ZNF385D: variants seen among roughly 807,000 people sequenced by gnomAD.
ZNF385D encodes zinc finger protein 385D, also known as zinc finger protein 659.
A neutral mutation model predicts 35.8 loss-of-function variants in ZNF385D; 15 were observed. That is an observed-to-expected ratio of 0.42 (90% CI 0.28 to 0.64). The LOEUF (loss-of-function observed/expected upper bound fraction) is 0.64. ZNF385D is among the 30% of genes least tolerant of loss of function. The probability of loss-of-function intolerance (pLI) is 0.23; values close to 1 mark genes in which losing one functional copy is unlikely to be tolerated. For synonymous variants in ZNF385D, 212 were observed against 186.8 expected (o/e 1.13, Z -1.10); for missense variants, 474 against 494.6 (o/e 0.96, Z 0.39).
intron 1 of ZNF385D, among the ~76,000 whole-genome samples, chr3:21,700,060 G>A (rs1037863313): frequency 2.0e-5 from 3 of 151,984 alleles, no homozygotes; most frequent in Admixed American, 6.6e-5. Flanking sequence ...TCAAACTCCT[G>A]ACTTCAGGTG....
At chr3:21,994,436 T>C (rs1695338752) in intron 3 of ZNF385D, among the ~76,000 whole-genome samples, 1 of 152,224 alleles carries the variant, frequency 6.6e-6, no homozygotes, top group Non-Finnish European at 1.5e-5. Context: ...AGATAATGAA[T>C]TGTTTTCCTG....
intron 3 of ZNF385D, among the ~76,000 whole-genome samples, chr3:22,123,275 A>G (rs1423530974): frequency 6.6e-6 from 1 of 151,450 alleles, no homozygotes; most frequent in Non-Finnish European, 1.5e-5. Flanking sequence ...GAGAAGTTCA[A>G]GAGTACAGTT....
Position 22,234,146 on chromosome 3 carries a change from G to A in ZNF385D, c.107-65111C>T, listed in dbSNP as rs566505762. Among the ~76,000 whole-genome samples the A allele has an allele frequency of 4.6e-5, 7 of 152,162 alleles. No homozygotes were observed. In the South Asian group the frequency reaches 1.2e-3, roughly 27 times the overall value. ...CACTAGGTAAGTAAATGCATTATTTGGGATTTATATTTTACTTTCCATACT... is the reference window on the plus strand; with the variant it reads ...CACTAGGTAAGTAAATGCATTATTTAGGATTTATATTTTACTTTCCATACT... On this transcript the variant is annotated intron_variant, in intron 2 of 5. Transcript: ENST00000494108.
chr3:21,506,845 CGT>C (rs1185303925), intron 4 of ZNF385D, among the ~76,000 whole-genome samples: 1 of 152,046 alleles, frequency 6.6e-6, no homozygotes, highest in Admixed American at 6.6e-5. Flanking sequence ...TGTTCTTTAA[CGT>C]TAGGAAGTGT....
chr3:22,084,509 A>T (rs1700926167), intron 3 of ZNF385D, among the ~76,000 whole-genome samples: 1 of 152,228 alleles, frequency 6.6e-6, no homozygotes, highest in African/African-American at 2.4e-5. Flanking sequence ...AAAGGGATCA[A>T]TTCAACAAGA....
intron 3 of ZNF385D, among the ~76,000 whole-genome samples, chr3:21,563,858 C>A (rs763636728): frequency 1.3e-5 from 2 of 152,076 alleles, no homozygotes; most frequent in African/African-American, 2.4e-5. Flanking sequence ...AGAAGACATA[C>A]ATTTTTTTTT....
chr3:21,572,799 GATAA>G (rs2063373327), intron 2 of ZNF385D, among the ~76,000 whole-genome samples: 1 of 152,090 alleles, frequency 6.6e-6, no homozygotes, highest in Non-Finnish European at 1.5e-5. Context: ...TCCAGGGAAA[GATAA>G]ATAAATTCAA....
Position 22,187,113 on chromosome 3 carries a change from C to A in ZNF385D, c.107-18078G>T, listed in dbSNP as rs573253703. On this transcript the variant is annotated intron_variant, in intron 2 of 5. Coordinates refer to the ZNF385D transcript ENST00000494108. ...GGAGATCACACAATCTAACATCTTC[C>A]CACATATAAAAAGACATGAACAAAT... Among the ~76,000 whole-genome samples the A allele has an allele frequency of 3.9e-5, 6 of 152,238 alleles. No homozygotes were observed. The East Asian group carries it at 1.2e-3, about 29-fold the overall frequency.
intron 2 of ZNF385D, among the ~76,000 whole-genome samples, chr3:21,630,629 T>C (rs904463810): frequency 1.1e-4 from 16 of 152,142 alleles, no homozygotes; most frequent in African/African-American, 3.9e-4. Context: ...ACTCTGCACA[T>C]CTGTAAAATA....
At chr3:21,445,324 A>C (rs1238278325) in intron 4 of ZNF385D, among the ~76,000 whole-genome samples, 6 of 152,220 alleles carry the variant, frequency 3.9e-5, no homozygotes. Context: ...AACACTGCTC[A>C]TCTCTCCAGT....
chr3:22,260,498 A>C (rs1349522303), intron 2 of ZNF385D, among the ~76,000 whole-genome samples: 1 of 152,042 alleles, frequency 6.6e-6, no homozygotes, highest in Non-Finnish European at 1.5e-5. Context: ...CATGTATCCC[A>C]GAACTTAAAA....
chr3:21,899,767 A>T (rs259489), intron 3 of ZNF385D, among the ~76,000 whole-genome samples: 1 of 151,904 alleles, frequency 6.6e-6, no homozygotes, highest in African/African-American at 2.4e-5. Context: ...TTGCTATACT[A>T]AAGTTTTATT....
chr3:21,894,518 T>C (rs542856119), intron 3 of ZNF385D, among the ~76,000 whole-genome samples: 3 of 152,158 alleles, frequency 2.0e-5, no homozygotes, highest in Admixed American at 6.5e-5. Context: ...CTTTTATTTA[T>C]TTTCAGCTGA....
At chr3:21,921,145 C>A (rs1700439272) in intron 3 of ZNF385D, among the ~76,000 whole-genome samples, 1 of 145,600 alleles carries the variant, frequency 6.9e-6, no homozygotes, top group Non-Finnish European at 1.5e-5. Context: ...ATGGTGTGAA[C>A]CCGGGAGGCG....
intron 3 of ZNF385D, among the ~76,000 whole-genome samples, chr3:21,861,906 A>G (rs1273241863): frequency 6.6e-6 from 1 of 152,138 alleles, no homozygotes; most frequent in East Asian, 1.9e-4. Context: ...GTCTAGTTCT[A>G]GCAGCTATAC....
chr3:22,165,195 G>T (rs1357205689), intron 3 of ZNF385D, among the ~76,000 whole-genome samples: 2 of 152,226 alleles, frequency 1.3e-5, no homozygotes, highest in Non-Finnish European at 2.9e-5. Context: ...TTAATCAGTT[G>T]TAACAAATGT....
chr3:21,667,430 GGGATTACA>G (rs1446145390), intron 1 of ZNF385D, among the ~76,000 whole-genome samples: 2 of 152,156 alleles, frequency 1.3e-5, no homozygotes, highest in Non-Finnish European at 2.9e-5. Flanking sequence ...CCAAAGTGCT[GGGATTACA>G]GGTGTGAGCC....
At chr3:22,323,662 G>T (rs187004161) in intron 2 of ZNF385D, among the ~76,000 whole-genome samples, 128 of 152,100 alleles carry the variant, frequency 8.4e-4, no homozygotes, top group African/African-American at 3.0e-3. Context: ...TTAAAGCTAC[G>T]GTAACACAAA....
chr3:22,313,905 T>C lies in ZNF385D; in HGVS notation c.106+58545A>G, dbSNP rs1703734881. ...GGACCCTACCTCTTCTATTCACTTC[T>C]TGGTTTGCTTCTTCATTTTGGCTCT... On this transcript the variant is annotated intron_variant, in intron 2 of 5. Coordinates refer to the ZNF385D transcript ENST00000494108. Among the ~76,000 whole-genome samples the C allele has an allele frequency of 1.3e-5, 2 of 152,162 alleles. 1 individual carries two copies. Among genetic ancestry groups the C allele is most frequent in the South Asian group, 4.1e-4 (2 of 4,834 alleles).
Sources: allele counts gnomAD v4.1 joint callset (sites outside exome capture counted in the v4.1 genomes callset), GRCh38; gene constraint gnomAD v4.1.1; transcripts MANE v1.5; gene names NCBI Gene and HGNC (gene_info 2026-07-23, HGNC 2026-07-21).